The following CDH18 variants were observed in gnomAD, a reference collection of about 807,000 sequenced individuals.
CDH18 encodes the protein cadherin-18.
In CDH18, 31 loss-of-function variants were observed where a neutral mutation model predicts 67.9. That is an observed-to-expected ratio of 0.46 (90% CI 0.34 to 0.62). The LOEUF (loss-of-function observed/expected upper bound fraction) is 0.62, where lower values mean the gene tolerates loss of function less well. CDH18 is among the 20% of genes least tolerant of loss of function. The probability of loss-of-function intolerance (pLI) is 0.01; values close to 1 mark genes in which losing one functional copy is unlikely to be tolerated. For missense variants in CDH18, 890 were observed against 975.5 expected, an observed-to-expected ratio of 0.91 and a Z score of 1.17; for synonymous variants, 362 against 347.2, an observed-to-expected ratio of 1.04 and a Z score of -0.48.
chr5:19,771,583 C>T lies in CDH18; in HGVS notation c.229-24347G>A, dbSNP rs186454385. Reference sequence around the variant, plus strand: ...GCCATGAGAGTTCCTGAAACAGAGGCACTCAGCTAAGCCATGACTGAATTC... The same window carrying T: ...GCCATGAGAGTTCCTGAAACAGAGGTACTCAGCTAAGCCATGACTGAATTC... On this transcript the variant is annotated intron_variant, in intron 3 of 12. Coordinates refer to ENST00000382275, the MANE Select transcript of CDH18 (RefSeq NM_004934.5). 1.7e-4 allele frequency among the ~76,000 whole-genome samples: 26 copies of T among 152,336 alleles called. No homozygotes were observed. In the East Asian group the frequency reaches 4.6e-3, roughly 27 times the overall value.
At chr5:19,956,281 T>C (rs1796249786) in intron 2 of CDH18, among the ~76,000 whole-genome samples, 1 of 152,020 alleles carries the variant, frequency 6.6e-6, no homozygotes, top group Admixed American at 6.6e-5. Flanking sequence ...TTCTAAGTAA[T>C]TTCATTTATG....
chr5:20,065,090 T>A (rs528133738), intron 2 of CDH18, among the ~76,000 whole-genome samples: 1 of 152,112 alleles, frequency 6.6e-6, no homozygotes, highest in Non-Finnish European at 1.5e-5. Context: ...ACTGCCCAGC[T>A]TTCATCAGAG....
At chr5:19,951,776 C>A (rs558816884) in intron 2 of CDH18, among the ~76,000 whole-genome samples, 1 of 152,192 alleles carries the variant, frequency 6.6e-6, no homozygotes, top group South Asian at 2.1e-4. Flanking sequence ...AAGGTGCCAG[C>A]TGTTTGTTAT....
At chr5:20,395,908 G>A (rs987216030) in intron 1 of CDH18, among the ~76,000 whole-genome samples, 2 of 152,142 alleles carry the variant, frequency 1.3e-5, no homozygotes, top group African/African-American at 4.8e-5. Flanking sequence ...GGCTCCTGGA[G>A]AGTGGCAAGC....
At chr5:19,821,658 T>A (rs558251957) in intron 3 of CDH18, among the ~76,000 whole-genome samples, 3 of 151,958 alleles carry the variant, frequency 2.0e-5, no homozygotes, top group Non-Finnish European at 4.4e-5. Flanking sequence ...AGACACATAG[T>A]CATCAGGGTT....
intron 2 of CDH18, among the ~76,000 whole-genome samples, chr5:20,160,878 C>G (rs1207511584): frequency 1.3e-5 from 2 of 152,286 alleles, no homozygotes; most frequent in South Asian, 2.1e-4. Flanking sequence ...CATTGGTCCG[C>G]CAAGAATGGT....
intron 3 of CDH18, among the ~76,000 whole-genome samples, chr5:19,768,859 T>C (rs1364248747): frequency 1.3e-5 from 2 of 151,562 alleles, no homozygotes; most frequent in Admixed American, 1.3e-4. Context: ...AAAAAATCAA[T>C]AACAAAATAA....
rs1234540775 is a variant in CDH18, at chr5:19,721,455, G to T, written c.535C>A (p.Leu179Ile). Residue 179 changes from leucine to isoleucine, a missense_variant, in exon 5 of 13, where the codon CTA becomes ATA. This residue lies in a region of CDH18 where 234 missense variants were observed against 307.4 expected (regional missense o/e 0.76). Transcript: ENST00000382275. Reference protein sequence around the residue: ...PEMSDMGTSVLQVTATDADDP... With the variant: ...PEMSDMGTSVIQVTATDADDP... ...TCTGCATCAGTAGCTGTCACCTGTA[G>T]AACAGAGGTACCTGTGCATTCAGGA... The T allele has an allele frequency of 6.2e-7, 1 of 1,610,760 alleles. No homozygotes were observed. The highest frequency in any genetic ancestry group is 8.5e-7 in the Non-Finnish European group (1 of 1,177,574).
At chr5:19,687,995 G>A (rs576009840) in intron 5 of CDH18, among the ~76,000 whole-genome samples, 12 of 152,236 alleles carry the variant, frequency 7.9e-5, no homozygotes, top group East Asian at 3.9e-4. Context: ...GGGAATCACC[G>A]TGCCCCATCC....
chr5:19,946,186 G>A (rs1014928262), intron 2 of CDH18, among the ~76,000 whole-genome samples: 4 of 152,128 alleles, frequency 2.6e-5, no homozygotes, highest in Admixed American at 6.6e-5. Flanking sequence ...ATCGAGGCCT[G>A]AAGGAAGTAG....
intron 1 of CDH18, among the ~76,000 whole-genome samples, chr5:20,526,528 G>GC (rs1756075374): frequency 6.6e-6 from 1 of 152,020 alleles, no homozygotes; most frequent in African/African-American, 2.4e-5. Flanking sequence ...CTAGGTCAGT[G>GC]CCCCTCTGGG....
intron 3 of CDH18, among the ~76,000 whole-genome samples, chr5:19,832,718 A>G (rs1013652640): frequency 2.0e-5 from 3 of 152,124 alleles, no homozygotes; most frequent in African/African-American, 7.2e-5. Context: ...GGTGTAAGGA[A>G]GGGGTCCGGT....
chr5:19,767,914 A>T (rs1773294218), intron 3 of CDH18, among the ~76,000 whole-genome samples: 1 of 152,186 alleles, frequency 6.6e-6, no homozygotes, highest in Admixed American at 6.6e-5. Context: ...AGAAAAATGT[A>T]TATAAGAAAA....
At chr5:20,174,258 C>G (rs1737059403) in intron 2 of CDH18, among the ~76,000 whole-genome samples, 2 of 152,118 alleles carry the variant, frequency 1.3e-5, no homozygotes, top group East Asian at 3.9e-4. Flanking sequence ...TGCATTTGCT[C>G]ATTTAAATAA....
chr5:20,518,537 A>T (rs573553686), intron 1 of CDH18, among the ~76,000 whole-genome samples: 1 of 152,308 alleles, frequency 6.6e-6, no homozygotes, highest in Non-Finnish European at 1.5e-5. Flanking sequence ...TTGCACACTG[A>T]GGAAGATGTC....
chr5:19,704,450 G>C (rs527493918), intron 5 of CDH18, among the ~76,000 whole-genome samples: 32 of 152,244 alleles, frequency 2.1e-4, no homozygotes, highest in African/African-American at 7.0e-4. Flanking sequence ...GGGAGCACAA[G>C]TTCTAATTCC....
intron 1 of CDH18, among the ~76,000 whole-genome samples, chr5:20,476,976 T>G (rs1752483608): frequency 6.6e-6 from 1 of 152,208 alleles, no homozygotes; most frequent in Non-Finnish European, 1.5e-5. Flanking sequence ...CTTTTACTTT[T>G]CCTTGCGTTT....
At chr5:19,482,362 C>T (rs575523409) in intron 12 of CDH18, among the ~76,000 whole-genome samples, 13 of 152,154 alleles carry the variant, frequency 8.5e-5, no homozygotes, top group African/African-American at 2.6e-4. Context: ...GTGATCCGCC[C>T]GCCTCGGCCT....
At chr5:20,051,382 T>G (rs891539534) in intron 2 of CDH18, among the ~76,000 whole-genome samples, 1 of 151,928 alleles carries the variant, frequency 6.6e-6, no homozygotes, top group Non-Finnish European at 1.5e-5. Context: ...TCTATAATAT[T>G]TCTACCACTA....
Sources: gnomAD v4.1 joint callset for allele counts (sites outside exome capture counted in the v4.1 genomes callset) on GRCh38, gnomAD v4.1.1 for gene constraint, gnomAD v4.1.1 regional missense constraint, MANE v1.5 for transcripts, NCBI Gene and HGNC (gene_info 2026-07-23, HGNC 2026-07-21) for gene names.